Variants in UNC13C observed in about 807,000 individuals in gnomAD.
UNC13C encodes the protein protein unc-13 homolog C.
A neutral mutation model predicts 245.4 loss-of-function variants in UNC13C; 174 were observed. That is an observed-to-expected ratio of 0.71 (90% CI 0.63 to 0.80). UNC13C has a LOEUF of 0.80. Ranked by LOEUF, UNC13C falls within the 30% of genes least tolerant of loss-of-function variation. The pLI is 0.00. For missense variants in UNC13C, 2,829 were observed against 2,602.9 expected (o/e 1.09, Z -1.89); for synonymous variants, 992 against 895.1 (o/e 1.11, Z -1.93).
chr15:54,326,768 G>C (rs780206322), intron 14 of UNC13C, among the ~76,000 whole-genome samples: 1 of 151,986 alleles, frequency 6.6e-6, no homozygotes, highest in East Asian at 1.9e-4. Context: ...GGTCCAAAAG[G>C]TAACTCAGGG....
intron 17 of UNC13C, among the ~76,000 whole-genome samples, chr15:54,382,918 C>G (rs1406786752): frequency 6.6e-6 from 1 of 152,086 alleles, no homozygotes; most frequent in African/African-American, 2.4e-5. Flanking sequence ...TTATTAACAA[C>G]TATACACTAA....
intron 30 of UNC13C, among the ~76,000 whole-genome samples, chr15:54,601,527 G>C (rs1033675633): frequency 6.6e-6 from 1 of 152,190 alleles, no homozygotes; most frequent in Non-Finnish European, 1.5e-5. Context: ...GCAAAGTGGT[G>C]TAGAAATTGT....
At chr15:54,226,157 A>G (rs1294276821) in intron 4 of UNC13C, among the ~76,000 whole-genome samples, 1 of 152,178 alleles carries the variant, frequency 6.6e-6, no homozygotes, top group African/African-American at 2.4e-5. Flanking sequence ...GATGAAGCCA[A>G]GTTGATTGTC....
intron 1 of UNC13C, among the ~76,000 whole-genome samples, chr15:53,995,934 G>A (rs920240954): frequency 6.6e-6 from 1 of 152,180 alleles, no homozygotes; most frequent in Non-Finnish European, 1.5e-5. Flanking sequence ...TAGGTGGGAG[G>A]TGCAGTAGCT....
intron 11 of UNC13C, among the ~76,000 whole-genome samples, chr15:54,294,783 G>A (rs2037386778): frequency 6.6e-6 from 1 of 152,038 alleles, no homozygotes; most frequent in East Asian, 1.9e-4. Flanking sequence ...ACTTTTGAGG[G>A]CTGGCTGGAT....
chr15:54,153,815 T>G (rs1313397037), intron 4 of UNC13C, among the ~76,000 whole-genome samples: 1 of 152,020 alleles, frequency 6.6e-6, no homozygotes, highest in Non-Finnish European at 1.5e-5. Context: ...ATAGGTTGAA[T>G]GACTGGACCC....
intron 4 of UNC13C, among the ~76,000 whole-genome samples, chr15:54,221,613 T>C (rs528261149): frequency 1.3e-5 from 2 of 152,066 alleles, no homozygotes; most frequent in Admixed American, 6.6e-5. Flanking sequence ...AGAAGAGGGA[T>C]TTAGAATGAT....
intron 4 of UNC13C, among the ~76,000 whole-genome samples, chr15:54,209,373 A>G (rs2034809374): frequency 1.3e-5 from 2 of 152,008 alleles, no homozygotes; most frequent in Non-Finnish European, 1.5e-5. Flanking sequence ...AGTGAAGTGT[A>G]TCCTGAACTG....
chr15:54,013,552 A>C lies in UNC13C; in HGVS notation c.649A>C (p.Thr217Pro). Residue 217 changes from threonine to proline, a missense_variant, in exon 2 of 33, where the codon ACT (threonine) becomes CCT (proline). Physicochemically the swap from Thr to Pro is conservative, Grantham distance 38. Transcript: ENST00000260323. ...WGIRSKSLDRTVRNPKTNALE... is the reference protein window; with the variant it reads ...WGIRSKSLDRPVRNPKTNALE... ...AATAAGAAGTAAGTCTTTGGACAGA[A>C]CTGTCCGAAACCCAAAGACAAATGC... 1 of 1,613,900 alleles carries C rather than the reference A, an allele frequency of 6.2e-7. No individual in the cohort carries two copies. Among genetic ancestry groups the C allele is most frequent in the Non-Finnish European group, 8.5e-7 (1 of 1,179,846 alleles).
chr15:54,388,345 C>T (rs1036874627), intron 17 of UNC13C, among the ~76,000 whole-genome samples: 1 of 152,142 alleles, frequency 6.6e-6, no homozygotes, highest in Non-Finnish European at 1.5e-5. Context: ...CAACATTCAA[C>T]ACTGGAGAAA....
At chr15:54,189,846 C>T (rs1483651094) in intron 4 of UNC13C, among the ~76,000 whole-genome samples, 1 of 151,878 alleles carries the variant, frequency 6.6e-6, no homozygotes, top group African/African-American at 2.4e-5. Flanking sequence ...TTTGATGCCA[C>T]TTAATACCCA....
intron 10 of UNC13C, among the ~76,000 whole-genome samples, chr15:54,281,461 T>A (rs187099489): frequency 6.6e-6 from 1 of 152,346 alleles, no homozygotes; most frequent in Non-Finnish European, 1.5e-5. Flanking sequence ...GTTGTATGTA[T>A]TTTTTCATGG....
intron 2 of UNC13C, among the ~76,000 whole-genome samples, chr15:54,046,945 AATCCCTTT>A (rs1165620717): frequency 6.6e-6 from 1 of 152,086 alleles, no homozygotes; most frequent in African/African-American, 2.4e-5. Context: ...TAAGAGACAC[AATCCCTTT>A]ATCCCTTTAT....
chr15:53,936,437 C>T, the UNC13C span, among the ~76,000 whole-genome samples: 1 of 152,200 alleles, frequency 6.6e-6, no homozygotes, highest in Admixed American at 6.5e-5. Flanking sequence ...GCTGACTTAC[C>T]TTTCCTGCCT....
chr15:54,198,262 C>T (rs1169172374), intron 4 of UNC13C, among the ~76,000 whole-genome samples: 1 of 152,084 alleles, frequency 6.6e-6, no homozygotes, highest in East Asian at 1.9e-4. Flanking sequence ...AAAGACAAAG[C>T]TCATGATCTC....
chr15:54,005,372 C>T (rs865856732), intron 1 of UNC13C, among the ~76,000 whole-genome samples: 6 of 152,094 alleles, frequency 3.9e-5, no homozygotes, highest in Non-Finnish European at 7.3e-5. Context: ...GCTCTAAAAC[C>T]GGTCACGTTG....
intron 2 of UNC13C, among the ~76,000 whole-genome samples, chr15:54,102,577 GA>G (rs1900220622): frequency 6.6e-6 from 1 of 152,202 alleles, no homozygotes; most frequent in Admixed American, 6.5e-5. Context: ...TAGGATGCAA[GA>G]AAAACAACAA....
chr15:54,372,599 AT>A (rs2039513042), intron 17 of UNC13C, among the ~76,000 whole-genome samples: 1 of 152,132 alleles, frequency 6.6e-6, no homozygotes, highest in African/African-American at 2.4e-5. Context: ...TTGTTTTTAA[AT>A]TGGTATATAT....
chr15:54,260,568 A>G (rs1381278430), intron 8 of UNC13C, among the ~76,000 whole-genome samples: 1 of 149,184 alleles, frequency 6.7e-6, no homozygotes, highest in Non-Finnish European at 1.5e-5. Context: ...ATAAACACAC[A>G]TATATGTATA....
Sources: allele counts gnomAD v4.1 joint callset (sites outside exome capture counted in the v4.1 genomes callset), GRCh38; gene constraint gnomAD v4.1.1; transcripts MANE v1.5; gene names NCBI Gene and HGNC (gene_info 2026-07-23, HGNC 2026-07-21).